PARP6: variants seen among roughly 807,000 people sequenced by gnomAD.
The protein encoded by PARP6 is poly(ADP-ribose) polymerase family member 6, also known as protein mono-ADP-ribosyltransferase PARP6.
In PARP6, 27 loss-of-function variants were observed where a neutral mutation model predicts 92.0. The observed-to-expected ratio is 0.29, with a 90% CI of 0.22 to 0.40. The LOEUF (loss-of-function observed/expected upper bound fraction) is 0.40, where lower values mean the gene tolerates loss of function less well. Ranked by LOEUF, PARP6 falls within the 10% of genes least tolerant of loss-of-function variation. PARP6 has a pLI of 1.00. For synonymous variants in PARP6, 272 were observed against 281.2 expected (o/e 0.97, Z 0.33); for missense variants, 501 against 784.5 (o/e 0.64, Z 4.32).
chr15:72,260,406 G>T, intron 10 of PARP6, 72 bp downstream of exon 10: 1 of 1,268,588 alleles, frequency 7.9e-7, no homozygotes, highest in Non-Finnish European at 1.1e-6. Context: ...ACCCCATTTT[G>T]AGAAACTACA....
chr15:72,250,453 T>C (rs1158597091), intron 18 of PARP6: 2 of 310,358 alleles, frequency 6.4e-6, no homozygotes, highest in Admixed American at 8.9e-5. Flanking sequence ...AGTTCTGACT[T>C]CATGTTCTAT....
At position 72,260,620 on chromosome 15, in the gene PARP6, A is replaced by G; in HGVS notation, c.614T>C (p.Val205Ala). ...GATGGAACGGTTCATGAGGCGCCCA[A>G]CCCGAAGCTCTGGTACACCTAGTTT... The part of the protein sequence containing the change: ...KGKLGVPELR[V>A]GRLMNRSISC... The change falls in exon 10 of 24, where the codon GTT becomes GCT. Residue 205 changes from valine to alanine, a missense_variant. Coordinates refer to ENST00000569795, the MANE Select transcript of PARP6 (RefSeq NM_001323532.2). The G allele has an allele frequency of 1.2e-6, 2 of 1,614,136 alleles. No homozygotes were observed. Among genetic ancestry groups the G allele is most frequent in the Non-Finnish European group, 1.7e-6 (2 of 1,180,028 alleles).
Position 72,242,686 on chromosome 15 carries a change from T to G in PARP6, c.1575A>C (p.Gly525=). 1 of 1,607,114 alleles carries G rather than the reference T, an allele frequency of 6.2e-7. No homozygotes were observed. The highest frequency in any genetic ancestry group is 8.5e-7 in the Non-Finnish European group (1 of 1,176,558). Residue 525 remains glycine, a synonymous_variant, in exon 21 of 24, where the codon GGA becomes GGC. Coordinates refer to ENST00000569795, the MANE Select transcript of PARP6 (RefSeq NM_001323532.2). This position sits in a 1 kb window ranked among gnomAD's most constrained non-coding sequence, Gnocchi z 4.3. The stretch of plus-strand genomic sequence containing the variant: ...CATCCTTGGAGGGCATCCTGTGCTG[T>G]CCTTTTCCCATTCCTGTCACAGAAC... The part of the protein sequence containing the change: ...ISFGYSGMGK[G]QHRMPSKDEL...
chr15:72,256,072 C>T (rs1213699498), intron 14 of PARP6, among the ~76,000 whole-genome samples: 1 of 152,144 alleles, frequency 6.6e-6, no homozygotes, highest in Non-Finnish European at 1.5e-5. Flanking sequence ...GCTGGGATTA[C>T]AGGCGTGAGC....
chr15:72,248,939 T>C (rs1341125841), intron 20 of PARP6, among the ~76,000 whole-genome samples: 3 of 152,356 alleles, frequency 2.0e-5, no homozygotes, highest in African/African-American at 7.2e-5. Flanking sequence ...CAATCTATAA[T>C]TGCCAACACC....
intron 13 of PARP6, 52 bp from the exon 14 acceptor site, chr15:72,256,642 T>C: frequency 7.1e-7 from 1 of 1,410,222 alleles, no homozygotes; most frequent in Non-Finnish European, 9.3e-7. Context: ...TTCCCAGTAC[T>C]GGGAGTCAGA....
intron 20 of PARP6, among the ~76,000 whole-genome samples, chr15:72,247,021 G>A (rs1162273427): frequency 6.6e-6 from 1 of 152,178 alleles, no homozygotes; most frequent in Admixed American, 6.5e-5. Context: ...GCCTCCCAAA[G>A]TGCTGGGATT....
intron 5 of PARP6, 95 bp from the exon 6 acceptor site, chr15:72,265,568 G>T: frequency 3.1e-6 from 3 of 963,768 alleles, no homozygotes; most frequent in Non-Finnish European, 5.1e-6. Flanking sequence ...TGGGGACAGG[G>T]GAAAGGGAAG....
intron 2 of PARP6, among the ~76,000 whole-genome samples, chr15:72,270,270 A>G (rs1487435404): frequency 6.8e-6 from 1 of 146,186 alleles, no homozygotes; most frequent in Non-Finnish European, 1.5e-5. Context: ...GCACACACAT[A>G]AAAAAAGGAG....
In PARP6 at chr15:72,266,782, C is replaced by T; in HGVS notation, c.44G>A (p.Gly15Glu). 1 of 1,614,064 alleles carries T rather than the reference C, an allele frequency of 6.2e-7. No individual in the cohort carries two copies. Among genetic ancestry groups the T allele is most frequent in the Non-Finnish European group, 8.5e-7 (1 of 1,179,944 alleles). Reference sequence around the variant, plus strand: ...GAGAAATTCCTCTGATTCATTATCTCCCTCCGAGTCGTCATCATTCCAGAA... The same window carrying T: ...GAGAAATTCCTCTGATTCATTATCTTCCTCCGAGTCGTCATCATTCCAGAA... ...GQFWNDDDSE[G>E]DNESEEFLYG... The change falls in exon 4 of 24, where the codon GGA becomes GAA. Residue 15 changes from glycine (G) to glutamate (E), a missense_variant. Physicochemically the swap from Gly to Glu is moderately conservative, Grantham distance 98. Transcript: ENST00000569795.
chr15:72,267,723 T>C, intron 2 of PARP6, 52 bp from the exon 3 acceptor site: 1 of 536,374 alleles, frequency 1.9e-6, no homozygotes, highest in Non-Finnish European at 3.4e-6. Flanking sequence ...AGCTGGGTGG[T>C]GTATATATAC....
At chr15:72,254,336 A>G (rs2084772082) in intron 15 of PARP6, 119 bp downstream of exon 15, 1 of 699,024 alleles carries the variant, frequency 1.4e-6, no homozygotes, top group Non-Finnish European at 2.5e-6. Context: ...GGAAAGACTA[A>G]AAAAAAAATA....
At position 72,249,305 on chromosome 15, in the gene PARP6, C is replaced by A; in HGVS notation, c.1501G>T (p.Ala501Ser). Residue 501 changes from alanine (A) to serine (S), a missense_variant, in exon 20 of 24, where the codon GCA becomes TCA. Physicochemically the swap from Ala to Ser is moderately conservative, Grantham distance 99 (BLOSUM62 1). This residue lies in a region of PARP6 where 191 missense variants were observed against 399.1 expected (regional missense o/e 0.48). Coordinates refer to ENST00000569795, the MANE Select transcript of PARP6 (RefSeq NM_001323532.2). ...ASYTKLQLHGAAYGKGIYLSP... is the reference protein window; with the variant it reads ...ASYTKLQLHGSAYGKGIYLSP... ...AGGTAGATGCCTTTGCCATAGGCTG[C>A]TCCATGCAGCTTGCAGGGAAACACC... The A allele has an allele frequency of 6.3e-7, 1 of 1,589,518 alleles. No individual in the cohort carries two copies. The highest frequency in any genetic ancestry group is 8.6e-7 in the Non-Finnish European group (1 of 1,160,776).
At chr15:72,266,854 G>A (rs1232181837) in intron 3 of PARP6, 32 bp from the exon 4 acceptor site, 1 of 1,519,036 alleles carries the variant, frequency 6.6e-7, no homozygotes, top group Non-Finnish European at 9.1e-7. Flanking sequence ...ATCATGCTTT[G>A]TTAGGTCCCT....
At chr15:72,270,419 T>C (rs2087238786) in intron 2 of PARP6, among the ~76,000 whole-genome samples, 2 of 151,978 alleles carry the variant, frequency 1.3e-5, no homozygotes. Flanking sequence ...AAATAAAAAG[T>C]TTAAAAAAAA....
Position 72,242,845 on chromosome 15 carries a change from A to C in PARP6, c.1562-146T>G, listed in dbSNP as rs1329815005. 2 of 609,172 alleles carry C rather than the reference A, an allele frequency of 3.3e-6. No individual in the cohort carries two copies. The highest frequency in any genetic ancestry group is 5.8e-6 in the Non-Finnish European group (2 of 342,652). 37.7% of individuals were successfully genotyped at this position (609,172 alleles called of 1,614,324 possible). On this transcript the variant is annotated intron_variant, in intron 20 of 23. Coordinates refer to ENST00000569795, the MANE Select transcript of PARP6 (RefSeq NM_001323532.2). The surrounding 1 kb of genome is among the most constrained non-coding windows in gnomAD (Gnocchi z 4.3). ...CCCCCACAGAATTTAGTCTGCTGGAAATTACAAGCAAGAACAAGTAATTAA... is the reference window on the plus strand; with the variant it reads ...CCCCCACAGAATTTAGTCTGCTGGACATTACAAGCAAGAACAAGTAATTAA...
intron 2 of PARP6, among the ~76,000 whole-genome samples, chr15:72,270,130 C>A (rs1324980433): frequency 6.6e-6 from 1 of 152,048 alleles, no homozygotes; most frequent in Non-Finnish European, 1.5e-5. Context: ...CAGAGCAGAG[C>A]CAGCATAGGA....
At position 72,250,001 on chromosome 15, in the gene PARP6, G is replaced by C. The variant is rs191664058; in HGVS notation, c.1491+19C>G. On this transcript the variant is annotated intron_variant, in intron 19 of 23. Coordinates refer to ENST00000569795, the MANE Select transcript of PARP6 (RefSeq NM_001323532.2). ...GAAGGGAGCGGTTAGAAATAAAGGA[G>C]AAAGGGGCACAGCCTCACCTGCAGT... 3.9e-6 allele frequency: 6 copies of C among 1,536,168 alleles called. No homozygotes were observed. Among genetic ancestry groups the C allele is most frequent in the Admixed American group, 1.7e-5 (1 of 59,912 alleles).
chr15:72,260,482 G>A lies in PARP6; in HGVS notation c.752C>T (p.Pro251Leu), dbSNP rs768112972. 1.2e-6 allele frequency: 2 copies of A among 1,612,964 alleles called. No individual in the cohort carries two copies. Among genetic ancestry groups the A allele is most frequent in the African/African-American group, 2.7e-5 (2 of 74,904 alleles). Residue 251 changes from proline (P) to leucine (L), a missense_variant, in exon 10 of 24, where the codon CCT becomes CTT. Coordinates refer to ENST00000569795, the MANE Select transcript of PARP6 (RefSeq NM_001323532.2). ...VGLPPPARTSPLVSGHCKNIP... is the reference protein window; with the variant it reads ...VGLPPPARTSLLVSGHCKNIP... Reference sequence around the variant, plus strand: ...AACCCTCCCCAGCCCATGTACCAAAGGAGAGGTCCGTGCTGGGGGAGGGAG... The same window carrying A: ...AACCCTCCCCAGCCCATGTACCAAAAGAGAGGTCCGTGCTGGGGGAGGGAG...
Sources: gnomAD v4.1 joint callset for allele counts (sites outside exome capture counted in the v4.1 genomes callset) on GRCh38, gnomAD v4.1.1 for gene constraint, gnomAD v4.1.1 regional missense constraint, Gnocchi (gnomAD v3.1) non-coding constraint, MANE v1.5 for transcripts, NCBI Gene and HGNC (gene_info 2026-07-23, HGNC 2026-07-21) for gene names.